Variants in TP63 observed in about 807,000 individuals in gnomAD.
TP63 encodes the protein tumor protein 63.
Under a neutral mutation model 82.8 loss-of-function variants are expected in TP63, and 17 were observed. The ratio of observed to expected loss-of-function variants is 0.21; its 90% CI spans 0.14 to 0.31. The LOEUF (loss-of-function observed/expected upper bound fraction) is 0.31. TP63 is among the 10% of genes least tolerant of loss of function. The probability of loss-of-function intolerance (pLI) is 1.00; values close to 1 mark genes in which losing one functional copy is unlikely to be tolerated. For synonymous variants in TP63, 330 were observed against 321.7 expected (o/e 1.03, Z -0.28); for missense variants, 648 against 895.3 (o/e 0.72, Z 3.52).
intron 1 of TP63, among the ~76,000 whole-genome samples, chr3:189,677,250 G>A: frequency 6.8e-6 from 1 of 147,060 alleles, no homozygotes; most frequent in East Asian, 2.0e-4. Context: ...TACATATAAT[G>A]TGTACATATA....
At chr3:189,876,805 C>G (rs941428678) in intron 10 of TP63, among the ~76,000 whole-genome samples, 1 of 152,042 alleles carries the variant, frequency 6.6e-6, no homozygotes, top group Non-Finnish European at 1.5e-5. Flanking sequence ...CAAAGAAAAA[C>G]AAAAATCTAA....
chr3:189,691,338 C>CAAAAAAAAAAAAAAA (rs781098833), intron 1 of TP63, among the ~76,000 whole-genome samples: 3 of 67,102 alleles, frequency 4.5e-5, no homozygotes, highest in Non-Finnish European at 5.6e-5. Flanking sequence ...GACTCCATCT[C>CAAAAAAAAAAAAAAA]AAAAAAAAAA....
At chr3:189,697,473 G>A (rs929721723) in intron 1 of TP63, among the ~76,000 whole-genome samples, 1 of 151,706 alleles carries the variant, frequency 6.6e-6, no homozygotes, top group Admixed American at 6.6e-5. Flanking sequence ...CTTGAAACCA[G>A]GTAGAATGAA....
At chr3:189,893,429 A>C (rs1435627535) in intron 13 of TP63, among the ~76,000 whole-genome samples, 1 of 152,244 alleles carries the variant, frequency 6.6e-6, no homozygotes, top group Non-Finnish European at 1.5e-5. Context: ...ATGAGCTATC[A>C]CTGAAACAAT....
At chr3:189,827,555 G>A in intron 4 of TP63, among the ~76,000 whole-genome samples, 1 of 152,190 alleles carries the variant, frequency 6.6e-6, no homozygotes, top group South Asian at 2.1e-4. Flanking sequence ...ATTTAAAGTT[G>A]GGCCTTCAAG....
chr3:189,821,754 G>A (rs1449699902), intron 4 of TP63, among the ~76,000 whole-genome samples: 1 of 152,126 alleles, frequency 6.6e-6, no homozygotes, highest in East Asian at 1.9e-4. Flanking sequence ...AACAAAAAAT[G>A]CAATACTTTG....
chr3:189,709,132 A>G (rs1311323371), intron 1 of TP63, among the ~76,000 whole-genome samples: 1 of 152,216 alleles, frequency 6.6e-6, no homozygotes, highest in Non-Finnish European at 1.5e-5. Context: ...ATGAAAATGT[A>G]CACTGCAGCT....
At position 189,679,833 on chromosome 3, in the gene TP63, C is replaced by T. The variant is rs116556008; in HGVS notation, c.62+48256C>T. On this transcript the variant is annotated intron_variant, in intron 1 of 13. Coordinates refer to ENST00000264731, the MANE Select transcript of TP63 (RefSeq NM_003722.5). Reference sequence around the variant, plus strand: ...ATAAGTATCCAGTTTTAATTCTTGACGTGGATATTCAATTTTTTTCAACAT... The same window carrying T: ...ATAAGTATCCAGTTTTAATTCTTGATGTGGATATTCAATTTTTTTCAACAT... Among the ~76,000 whole-genome samples the T allele has an allele frequency of 1.6e-3, 250 of 152,164 alleles. 1 individual carries two copies. Among genetic ancestry groups the T allele is most frequent in the African/African-American group, 5.3e-3 (220 of 41,546 alleles).
the TP63 span, among the ~76,000 whole-genome samples, chr3:189,607,397 T>C: frequency 6.6e-6 from 1 of 152,224 alleles, no homozygotes. Context: ...TAAATCAATA[T>C]TCATTTCAAA....
intron 3 of TP63, among the ~76,000 whole-genome samples, chr3:189,742,359 T>C (rs753933651): frequency 2.0e-4 from 30 of 151,958 alleles, no homozygotes; most frequent in Non-Finnish European, 3.7e-4. Flanking sequence ...TATTAACACT[T>C]AAAAGTTCTC....
chr3:189,871,928 T>A (rs1693567645), intron 9 of TP63, among the ~76,000 whole-genome samples: 1 of 151,992 alleles, frequency 6.6e-6, no homozygotes, highest in Non-Finnish European at 1.5e-5. Flanking sequence ...TTTCCCAGGG[T>A]GGTCTTGAAC....
intron 10 of TP63, among the ~76,000 whole-genome samples, chr3:189,876,838 G>A (rs1425721540): frequency 1.3e-5 from 2 of 152,048 alleles, no homozygotes; most frequent in African/African-American, 4.8e-5. Flanking sequence ...CATTTGAAAA[G>A]AATAAATCAG....
chr3:189,721,522 G>A (rs952285548), intron 1 of TP63, among the ~76,000 whole-genome samples: 2 of 151,878 alleles, frequency 1.3e-5, no homozygotes, highest in African/African-American at 4.8e-5. Flanking sequence ...TATTAACTGG[G>A]TGGCAAGACA....
the TP63 span, among the ~76,000 whole-genome samples, chr3:189,600,245 C>T: frequency 3.3e-5 from 5 of 152,180 alleles, no homozygotes; most frequent in Non-Finnish European, 5.9e-5. Flanking sequence ...AGAAATGGAT[C>T]ATGGATTCTA....
chr3:189,844,437 C>T, intron 4 of TP63: 1 of 299,950 alleles, frequency 3.3e-6, no homozygotes, highest in Non-Finnish European at 6.7e-6. Context: ...AGACATGTGA[C>T]ACCACACCCA....
At chr3:189,768,983 G>A (rs1412389624) in intron 3 of TP63, among the ~76,000 whole-genome samples, 5 of 152,230 alleles carry the variant, frequency 3.3e-5, no homozygotes, top group African/African-American at 9.6e-5. Flanking sequence ...TGAAGCTCAC[G>A]TCTAAAACTA....
At chr3:189,600,385 T>C in the TP63 span, among the ~76,000 whole-genome samples, 1 of 152,218 alleles carries the variant, frequency 6.6e-6, no homozygotes, top group Non-Finnish European at 1.5e-5. Context: ...ATTGTACACA[T>C]GCTATATGTC....
intron 3 of TP63, among the ~76,000 whole-genome samples, chr3:189,779,078 G>T (rs552684132): frequency 6.6e-6 from 1 of 151,942 alleles, no homozygotes; most frequent in Non-Finnish European, 1.5e-5. Flanking sequence ...TACTGAATCC[G>T]TTTGAAGAAA....
chr3:189,729,344 C>T (rs566507838), intron 1 of TP63, among the ~76,000 whole-genome samples: 3 of 152,120 alleles, frequency 2.0e-5, no homozygotes, highest in African/African-American at 4.8e-5. Flanking sequence ...GAGAAATTCG[C>T]GGTTGGACTG....
Sources: gnomAD v4.1 joint callset for allele counts (sites outside exome capture counted in the v4.1 genomes callset) on GRCh38, gnomAD v4.1.1 for gene constraint, MANE v1.5 for transcripts, NCBI Gene and HGNC (gene_info 2026-07-23, HGNC 2026-07-21) for gene names.